Variants in HUS1 observed in about 807,000 individuals in gnomAD.
The protein encoded by HUS1 is checkpoint protein HUS1.
HUS1 carries 31 observed loss-of-function variants against 32.6 expected under a neutral mutation model. The ratio of observed to expected loss-of-function variants is 0.95; its 90% CI spans 0.72 to 1.28. HUS1 has a LOEUF of 1.28. Among genes scored for constraint, HUS1 ranks in the 50% most tolerant of loss-of-function variants. The probability of loss-of-function intolerance (pLI) is 0.00; values close to 1 mark genes in which losing one functional copy is unlikely to be tolerated. For synonymous variants in HUS1, 123 were observed against 116.6 expected (o/e 1.06, Z -0.36); for missense variants, 340 against 337.7 (o/e 1.01, Z -0.05).
At position 47,967,789 on chromosome 7, in the gene HUS1, CAG is replaced by C. The variant is rs775246679; in HGVS notation, c.760+15_760+16del. On this transcript the variant is annotated intron_variant, in intron 7 of 7. Transcript: ENST00000258774. ...ATATGAAAGAATATGAAAAACAAAA[CAG>C]AGAAGCACACTCACTGCATAAGGCC... The C allele has an allele frequency of 1.5e-5, 24 of 1,579,346 alleles. No individual in the cohort carries two copies. In the South Asian group the frequency reaches 2.2e-4, roughly 14 times the overall value.
At chr7:47,978,621 G>A (rs777179784) in intron 2 of HUS1, 28 bp from the exon 3 acceptor site, 5 of 1,612,564 alleles carry the variant, frequency 3.1e-6, no homozygotes, top group Non-Finnish European at 4.2e-6. Flanking sequence ...AGGGATGAGG[G>A]AGGGTATATG....
intron 5 of HUS1, among the ~76,000 whole-genome samples, chr7:47,974,942 G>A (rs912055618): frequency 2.0e-5 from 3 of 152,150 alleles, no homozygotes; most frequent in African/African-American, 7.2e-5. Flanking sequence ...CACTTGGCAC[G>A]CAGACAGGAA....
chr7:47,976,699 G>GT (rs1788710617), intron 4 of HUS1, 31 bp downstream of exon 4: 1 of 1,124,138 alleles, frequency 8.9e-7, no homozygotes, highest in Non-Finnish European at 1.4e-6. Flanking sequence ...TTTAATGTGG[G>GT]GTGTACAGCA....
intron 7 of HUS1, among the ~76,000 whole-genome samples, chr7:47,966,736 A>G (rs3176593): frequency 0.045 from 6,901 of 152,260 alleles, 318 homozygotes; most frequent in African/African-American, 0.12. Context: ...AGGACCCTGC[A>G]CTGCCACACA....
At position 47,964,828 on chromosome 7, in the gene HUS1, G is replaced by C. The variant is rs1273679537; in HGVS notation, c.*528C>G. 1 of 153,250 alleles carries C rather than the reference G, an allele frequency of 6.5e-6. No individual in the cohort carries two copies. Among genetic ancestry groups the C allele is most frequent in the Non-Finnish European group, 1.5e-5 (1 of 68,744 alleles). 9.5% of individuals were successfully genotyped at this position (153,250 alleles called of 1,614,324 possible). A position where few individuals can be genotyped will look rare whatever the true frequency, so the allele number is the denominator to read the frequency against. On this transcript the variant is annotated 3_prime_UTR_variant, in exon 8 of 8. Transcript: ENST00000258774. ...GAGAGACTCCAAATGCTGCAGCTGTGACACCCCACAGTGCTCTGAGTAACC... is the reference window on the plus strand; with the variant it reads ...GAGAGACTCCAAATGCTGCAGCTGTCACACCCCACAGTGCTCTGAGTAACC...
Position 47,969,260 on chromosome 7 carries a change from C to A in HUS1, c.599G>T (p.Cys200Phe). 6.3e-7 allele frequency: 1 copy of A among 1,589,532 alleles called. No homozygotes were observed. Among genetic ancestry groups the A allele is most frequent in the South Asian group, 1.1e-5 (1 of 88,742 alleles). ...LNLKIETELVCVTTHFKDLGN... is the reference protein window; with the variant it reads ...LNLKIETELVFVTTHFKDLGN... ...AAGATCTTTAAAATGAGTTGTAACA[C>A]ATACTAATTCAGTTTCTATTTTCAA... The change falls in exon 6 of 8, where the codon TGT becomes TTT. Residue 200 changes from cysteine to phenylalanine, a missense_variant. Cys to Phe is a radical substitution (Grantham distance 205). Coordinates refer to ENST00000258774, the MANE Select transcript of HUS1 (RefSeq NM_004507.4).
At position 47,970,049 on chromosome 7, in the gene HUS1, C is replaced by T. The variant is rs3176575; in HGVS notation, c.541-731G>A. On this transcript the variant is annotated intron_variant, in intron 5 of 7. Coordinates refer to ENST00000258774, the MANE Select transcript of HUS1 (RefSeq NM_004507.4). ...GAGATCAAGACCATCCTGGCTAACA[C>T]GGTGAAACCCCGTCTCTACTAAAAA... Among the ~76,000 whole-genome samples, 51 of 151,534 alleles carry T rather than the reference C, an allele frequency of 3.4e-4. 1 individual carries two copies. The highest frequency in any genetic ancestry group is 1.8e-3 in the Admixed American group (28 of 15,212).
intron 6 of HUS1, 150 bp downstream of exon 6, chr7:47,969,069 A>G (rs3176582): frequency 0.77 from 449,827 of 580,708 alleles, 176,147 homozygotes; most frequent in East Asian, 0.99. Flanking sequence ...ACAGGGATAC[A>G]TAGTCCAGTC....
Position 47,963,714 on chromosome 7 carries a change from T to C in HUS1, c.*1642A>G, listed in dbSNP as rs1342525013. The C allele has an allele frequency of 2.0e-5, 3 of 152,020 alleles. No individual in the cohort carries two copies. The highest frequency in any genetic ancestry group is 1.3e-4 in the Admixed American group (2 of 15,270). The allele number at this position is 152,020 out of a possible 1,614,324, so 9.4% of individuals were successfully genotyped here. ...CACGAGGTCGAGATCGAGACCATCC[T>C]GGCCAACACAGTGAAACTCCGTCTC... is the stretch of plus-strand genomic sequence containing the variant. On this transcript the variant is annotated 3_prime_UTR_variant, in exon 8 of 8. Coordinates refer to ENST00000258774, the MANE Select transcript of HUS1 (RefSeq NM_004507.4).
Position 47,967,812 on chromosome 7 carries a change from A to T in HUS1, c.754T>A (p.Leu252Ile), listed in dbSNP as rs79656108. Residue 252 changes from leucine (L) to isoleucine (I), a missense_variant, in exon 7 of 8, where the codon TTA (leucine) becomes ATA (isoleucine). Physicochemically the swap from Leu to Ile is conservative, Grantham distance 5. Transcript: ENST00000258774. ...AGQQVNPTKA[L>I]CNIVNNKMVH... ...AACAGAGAAGCACACTCACTGCATA[A>T]GGCCTTTGTGGGATTTACTTGTTGT... The T allele has an allele frequency of 1.9e-6, 3 of 1,613,550 alleles. No homozygotes were observed. The East Asian group carries it at 6.7e-5, about 36-fold the overall frequency.
chr7:47,976,790 T>TA lies in HUS1; in HGVS notation c.404dup (p.Val137GlyfsTer4). The TA allele has an allele frequency of 1.2e-6, 2 of 1,613,670 alleles. No homozygotes were observed. Among genetic ancestry groups the TA allele is most frequent in the Non-Finnish European group, 1.7e-6 (2 of 1,179,712 alleles). ...TCCACAATTTCCTAGGAATCACCTT[T>TA]ATGGGGATGTCATGGGTCACAATGC... On this transcript the variant is annotated frameshift_variant, in exon 4 of 8. Coordinates refer to ENST00000258774, the MANE Select transcript of HUS1 (RefSeq NM_004507.4). LOFTEE classifies it high-confidence loss of function.
intron 1 of HUS1, among the ~76,000 whole-genome samples, chr7:47,979,100 T>C (rs1189463956): frequency 2.6e-5 from 4 of 152,124 alleles, no homozygotes; most frequent in Non-Finnish European, 5.9e-5. Flanking sequence ...GGTACTGCAA[T>C]ACACAGTTAA....
At chr7:47,976,463 A>T (rs1460120437) in intron 4 of HUS1, 2 of 521,272 alleles carry the variant, frequency 3.8e-6, no homozygotes, top group Non-Finnish European at 3.7e-6. Flanking sequence ...GAATACTAAT[A>T]AATACTAATT....
At chr7:47,977,175 G>A (rs1054783778) in intron 3 of HUS1, among the ~76,000 whole-genome samples, 2 of 152,144 alleles carry the variant, frequency 1.3e-5, no homozygotes, top group Non-Finnish European at 2.9e-5. Context: ...GGTGAGTGTG[G>A]GGGAGTTTCC....
rs774150862 is a variant in HUS1 at position 47,979,550 on chromosome 7, C to T, written c.-31G>A. The T allele has an allele frequency of 2.5e-6, 4 of 1,573,310 alleles. No individual in the cohort carries two copies. Among genetic ancestry groups the T allele is most frequent in the Non-Finnish European group, 3.5e-6 (4 of 1,147,192 alleles). ...CGGATGGCGCAGCCGCGGCGGGCCTCTGTGGGTAACAGAAAAGCGTCGCGC... is the reference window on the plus strand; with the variant it reads ...CGGATGGCGCAGCCGCGGCGGGCCTTTGTGGGTAACAGAAAAGCGTCGCGC... On this transcript the variant is annotated 5_prime_UTR_variant, in exon 1 of 8. Transcript: ENST00000258774.
Position 47,969,237 on chromosome 7 carries a change from G to C in HUS1, c.622C>G (p.Leu208Val). 1 of 1,562,154 alleles carries C rather than the reference G, an allele frequency of 6.4e-7. No individual in the cohort carries two copies. The highest frequency in any genetic ancestry group is 8.8e-7 in the Non-Finnish European group (1 of 1,142,452). The change falls in exon 6 of 8, where the codon CTT (leucine) becomes GTT (valine). Residue 208 changes from leucine to valine, a missense_variant. Coordinates refer to ENST00000258774, the MANE Select transcript of HUS1 (RefSeq NM_004507.4). ...LVCVTTHFKD[L>V]GNPPLASEST... ...AACTTACCTAATGGAGGATTTCCAA[G>C]ATCTTTAAAATGAGTTGTAACACAT...
At chr7:47,979,345 G>T in intron 1 of HUS1, 123 bp downstream of exon 1, 2 of 773,108 alleles carry the variant, frequency 2.6e-6, no homozygotes, top group Admixed American at 2.6e-5. Flanking sequence ...CCCCATCCCG[G>T]CCCCATCCTC....
intron 3 of HUS1, 84 bp from the exon 4 acceptor site, chr7:47,976,921 A>T: frequency 1.2e-6 from 1 of 858,398 alleles, no homozygotes; most frequent in East Asian, 2.6e-5. Context: ...GGGACAAAAA[A>T]GTTGAAATAC....
Position 47,965,294 on chromosome 7 carries a change from C to CA in HUS1, c.*61dup. 9.1e-7 allele frequency: 1 copy of CA among 1,093,222 alleles called. No individual in the cohort carries two copies. The highest frequency in any genetic ancestry group is 1.7e-5 in the Admixed American group (1 of 59,226). The allele number at this position is 1,093,222 out of a possible 1,614,324, so 67.7% of individuals were successfully genotyped here. A position where few individuals can be genotyped will look rare whatever the true frequency, so the allele number is the denominator to read the frequency against. ...AGGGCACAGACCAGTGATCAGAACA[C>CA]AACACCTGCGGCCTCTCCCATCCTG... On this transcript the variant is annotated 3_prime_UTR_variant, in exon 8 of 8. Coordinates refer to ENST00000258774, the MANE Select transcript of HUS1 (RefSeq NM_004507.4).
Sources: gnomAD v4.1 joint callset for allele counts (sites outside exome capture counted in the v4.1 genomes callset) on GRCh38, gnomAD v4.1.1 for gene constraint, MANE v1.5 for transcripts, NCBI Gene and HGNC (gene_info 2026-07-23, HGNC 2026-07-21) for gene names.